The following DNAJA3 variants were observed in gnomAD, a reference collection of about 807,000 sequenced individuals.
The protein encoded by DNAJA3 is dnaJ homolog subfamily A member 3, mitochondrial.
A neutral mutation model predicts 54.9 loss-of-function variants in DNAJA3; 29 were observed. The ratio of observed to expected loss-of-function variants is 0.53; its 90% CI spans 0.39 to 0.72. DNAJA3 has a LOEUF of 0.72. DNAJA3 is among the 30% of genes least tolerant of loss of function. The pLI, the probability that DNAJA3 is intolerant of heterozygous loss-of-function variation, is 0.00. For missense variants in DNAJA3, 708 were observed against 639.4 expected (o/e 1.11, Z -1.16); for synonymous variants, 302 against 251.4 (o/e 1.20, Z -1.90).
chr16:4,438,639 T>TC (rs889567724), intron 3 of DNAJA3, among the ~76,000 whole-genome samples: 14 of 147,198 alleles, frequency 9.5e-5, no homozygotes, highest in Non-Finnish European at 1.7e-4. Context: ...TCTTTTCTTT[T>TC]TTTTTTTTTT....
chr16:4,450,805 C>T (rs2056968816), intron 10 of DNAJA3, among the ~76,000 whole-genome samples: 1 of 152,196 alleles, frequency 6.6e-6, no homozygotes, highest in Non-Finnish European at 1.5e-5. Flanking sequence ...CTGCCACTTG[C>T]CCTGTGACCT....
At chr16:4,433,974 G>A (rs951031705) in intron 1 of DNAJA3, 3 of 228,926 alleles carry the variant, frequency 1.3e-5, no homozygotes, top group African/African-American at 7.1e-5. Flanking sequence ...CTAAGACTGG[G>A]TAAATTTTAA....
Position 4,432,750 on chromosome 16 carries a change from C to T in DNAJA3, c.212-1634C>T, listed in dbSNP as rs544744683. On this transcript the variant is annotated intron_variant, in intron 1 of 11. Transcript: ENST00000262375. ...ACTTGGGAGGCTGAGGCAGGAGAGT[C>T]GCTTGAACCCAGCAGGCGGAGGTTG... 6.0e-5 allele frequency among the ~76,000 whole-genome samples: 9 copies of T among 149,248 alleles called. No individual in the cohort carries two copies. In the East Asian group the frequency reaches 6.1e-4, roughly 10 times the overall value.
chr16:4,451,163 C>T (rs2141395409), intron 10 of DNAJA3, among the ~76,000 whole-genome samples: 1 of 152,296 alleles, frequency 6.6e-6, no homozygotes, highest in South Asian at 2.1e-4. Context: ...GGGCCTCTTT[C>T]CTGGGACTCC....
chr16:4,429,523 C>T (rs1164928474), intron 1 of DNAJA3, among the ~76,000 whole-genome samples: 2 of 150,672 alleles, frequency 1.3e-5, no homozygotes, highest in Non-Finnish European at 3.0e-5. Flanking sequence ...GCCCGGCCTA[C>T]AAAAAGATTT....
chr16:4,429,182 C>A (rs938676382), intron 1 of DNAJA3, among the ~76,000 whole-genome samples: 1 of 150,902 alleles, frequency 6.6e-6, no homozygotes, highest in Non-Finnish European at 1.5e-5. Context: ...CCACCGCGCC[C>A]GGCCAAGATT....
chr16:4,452,107 CTG>C (rs1491583968), intron 10 of DNAJA3, among the ~76,000 whole-genome samples: 1 of 151,950 alleles, frequency 6.6e-6, no homozygotes, highest in Non-Finnish European at 1.5e-5. Context: ...CCACAAAACT[CTG>C]TAGCCCAACC....
chr16:4,450,644 C>CG (rs2056967124), intron 10 of DNAJA3, 147 bp downstream of exon 10: 1 of 613,602 alleles, frequency 1.6e-6, no homozygotes, highest in Admixed American at 3.2e-5. Flanking sequence ...GGGCTGTGGG[C>CG]GGGGACAGCG....
At chr16:4,451,752 GAA>G (rs57814611) in intron 10 of DNAJA3, among the ~76,000 whole-genome samples, 18 of 41,846 alleles carry the variant, frequency 4.3e-4, no homozygotes, top group African/African-American at 9.5e-4. Flanking sequence ...GAGACTCTCT[GAA>G]AAAAAAAAAA....
rs755107535 is a variant in DNAJA3, at chr16:4,443,182, C to A, written c.931+18C>A. ...GCCTGCAGGTGGGTGCTTGGGCCCG[C>A]CATGTCCAGGAGCTTGGAGAGGGCA... On this transcript the variant is annotated intron_variant, in intron 6 of 11. Coordinates refer to ENST00000262375, the MANE Select transcript of DNAJA3 (RefSeq NM_005147.6). 6.2e-7 allele frequency: 1 copy of A among 1,613,348 alleles called. No individual in the cohort carries two copies. The highest frequency in any genetic ancestry group is 8.5e-7 in the Non-Finnish European group (1 of 1,179,792).
At chr16:4,444,789 T>C in intron 7 of DNAJA3, 61 bp downstream of exon 7, 1 of 1,453,096 alleles carries the variant, frequency 6.9e-7, no homozygotes, top group Non-Finnish European at 9.6e-7. Context: ...TGGGTGTGGC[T>C]GAGGCTGCTC....
At chr16:4,455,454 A>T (rs1336889338) in intron 11 of DNAJA3, 92 bp from the exon 12 acceptor site, 2 of 1,468,042 alleles carry the variant, frequency 1.4e-6, no homozygotes, top group East Asian at 5.0e-5. Flanking sequence ...CTCTTGGCAC[A>T]GCTGCTTTCC....
Position 4,426,004 on chromosome 16 carries a change from C to A in DNAJA3, c.123C>A (p.Arg41=), listed in dbSNP as rs994022253. The change falls in exon 1 of 12, where the codon CGC becomes CGA. Residue 41 remains arginine, a synonymous_variant. Transcript: ENST00000262375. ...GCGTGGTGGGGGCATGGCTGAGCCG[C>A]AAGCTGAGCGTCCCCGCCTTTGCGT... ...REGVVGAWLS[R]KLSVPAFASS... is the part of the protein sequence containing the mutation. The A allele has an allele frequency of 1.0e-5, 16 of 1,605,224 alleles. No homozygotes were observed. The highest frequency in any genetic ancestry group is 1.3e-5 in the Non-Finnish European group (15 of 1,176,626).
At chr16:4,441,148 T>G in intron 3 of DNAJA3, 2 of 546,302 alleles carry the variant, frequency 3.7e-6, no homozygotes, top group Non-Finnish European at 6.4e-6. Context: ...GGCGGGAGAG[T>G]TCGTGAGACT....
chr16:4,453,886 A>G (rs1288393754), intron 10 of DNAJA3, among the ~76,000 whole-genome samples: 1 of 152,140 alleles, frequency 6.6e-6, no homozygotes, highest in Non-Finnish European at 1.5e-5. Context: ...TGCGTGGCCT[A>G]GGTCTCTGAG....
chr16:4,442,970 T>C, intron 5 of DNAJA3, 47 bp from the exon 6 acceptor site: 3 of 1,592,482 alleles, frequency 1.9e-6, no homozygotes, highest in Non-Finnish European at 2.6e-6. Context: ...GAACCACCCA[T>C]CAGTTTACCT....
At chr16:4,444,412 C>T (rs1320411543) in intron 6 of DNAJA3, among the ~76,000 whole-genome samples, 2 of 148,990 alleles carry the variant, frequency 1.3e-5, no homozygotes, top group Non-Finnish European at 3.0e-5. Flanking sequence ...GGAGTGATCT[C>T]GGCTCACTGC....
At chr16:4,438,990 T>C (rs989343310) in intron 3 of DNAJA3, among the ~76,000 whole-genome samples, 4 of 152,074 alleles carry the variant, frequency 2.6e-5, no homozygotes, top group African/African-American at 9.7e-5. Flanking sequence ...AACTAAACAG[T>C]CTTGGAACCT....
chr16:4,448,308 A>G (rs2141391262), intron 8 of DNAJA3, among the ~76,000 whole-genome samples: 1 of 148,100 alleles, frequency 6.8e-6, no homozygotes. Flanking sequence ...TACAGGCATG[A>G]GCCACTGCGC....
Sources: gnomAD v4.1 joint callset for allele counts (sites outside exome capture counted in the v4.1 genomes callset) on GRCh38, gnomAD v4.1.1 for gene constraint, MANE v1.5 for transcripts, NCBI Gene and HGNC (gene_info 2026-07-23, HGNC 2026-07-21) for gene names.